SGCZ: variants seen among roughly 807,000 people sequenced by gnomAD.
The protein encoded by SGCZ is sarcoglycan zeta.
Under a neutral mutation model 41.3 loss-of-function variants are expected in SGCZ, and 40 were observed. The observed-to-expected ratio is 0.97, with a 90% CI of 0.75 to 1.26. The LOEUF is 1.26. SGCZ is among the 50% of genes most tolerant of loss of function. SGCZ has a pLI of 0.00. For synonymous variants in SGCZ, 206 were observed against 137.5 expected, an observed-to-expected ratio of 1.50 and a Z score of -3.49; for missense variants, 552 against 369.8, an observed-to-expected ratio of 1.49 and a Z score of -4.04.
chr8:14,906,214 C>A (rs1799117163), intron 1 of SGCZ, among the ~76,000 whole-genome samples: 1 of 152,122 alleles, frequency 6.6e-6, no homozygotes, highest in South Asian at 2.1e-4. Flanking sequence ...TTTGAAGACG[C>A]TCCCTAGAGT....
chr8:14,092,393 A>T (rs1318742026), intron 7 of SGCZ, among the ~76,000 whole-genome samples: 1 of 152,072 alleles, frequency 6.6e-6, no homozygotes, highest in Non-Finnish European at 1.5e-5. Context: ...CATTGAATCT[A>T]TAAATTACTT....
chr8:14,608,146 T>C (rs1805812243), intron 1 of SGCZ, among the ~76,000 whole-genome samples: 1 of 152,024 alleles, frequency 6.6e-6, no homozygotes, highest in African/African-American at 2.4e-5. Context: ...AAAAAGGCAC[T>C]AATGGACTGC....
intron 1 of SGCZ, among the ~76,000 whole-genome samples, chr8:14,758,427 C>T (rs1008960573): frequency 6.6e-6 from 1 of 152,068 alleles, no homozygotes. Context: ...TCGTTCTTCC[C>T]TCTCCTCCAA....
intron 5 of SGCZ, among the ~76,000 whole-genome samples, chr8:14,137,842 A>T (rs1449486147): frequency 6.6e-6 from 1 of 152,044 alleles, no homozygotes; most frequent in Non-Finnish European, 1.5e-5. Flanking sequence ...CCACAAAGAT[A>T]CTCCTCAAGA....
intron 6 of SGCZ, among the ~76,000 whole-genome samples, chr8:14,104,274 C>T (rs1802132974): frequency 6.6e-6 from 1 of 152,098 alleles, no homozygotes; most frequent in South Asian, 2.1e-4. Context: ...CAGTAAGTTT[C>T]AGACTGGCTT....
intron 5 of SGCZ, among the ~76,000 whole-genome samples, chr8:14,114,257 G>A (rs1414253919): frequency 6.6e-6 from 1 of 151,982 alleles, no homozygotes; most frequent in Non-Finnish European, 1.5e-5. Flanking sequence ...TAATTGATAG[G>A]TAAAACATGC....
intron 1 of SGCZ, among the ~76,000 whole-genome samples, chr8:14,727,459 C>T (rs1387541104): frequency 6.6e-6 from 1 of 151,702 alleles, no homozygotes; most frequent in Non-Finnish European, 1.5e-5. Flanking sequence ...ATCTTATGAC[C>T]CAACACTTTC....
intron 2 of SGCZ, among the ~76,000 whole-genome samples, chr8:14,540,419 T>C (rs1375550979): frequency 6.6e-6 from 1 of 151,684 alleles, no homozygotes; most frequent in East Asian, 1.9e-4. Context: ...TTTTTTGCTT[T>C]GTTTCTTATT....
At chr8:14,789,372 G>A (rs111226588) in intron 1 of SGCZ, among the ~76,000 whole-genome samples, 25 of 152,184 alleles carry the variant, frequency 1.6e-4, no homozygotes, top group African/African-American at 6.0e-4. Context: ...CTCTACACAG[G>A]CACATGTCTA....
At chr8:14,522,667 T>C (rs777216809) in intron 2 of SGCZ, among the ~76,000 whole-genome samples, 2 of 151,802 alleles carry the variant, frequency 1.3e-5, no homozygotes, top group Non-Finnish European at 2.9e-5. Context: ...TTTTAAAAAA[T>C]ACAACTGTCT....
intron 1 of SGCZ, among the ~76,000 whole-genome samples, chr8:15,155,400 C>G (rs954178902): frequency 6.6e-6 from 1 of 152,046 alleles, no homozygotes; most frequent in Non-Finnish European, 1.5e-5. Context: ...CATACTGTAC[C>G]CCATAAATAT....
rs1293486476 is a variant in SGCZ at position 14,365,623 on chromosome 8, T to C, written c.235-41419A>G. 3.3e-5 allele frequency among the ~76,000 whole-genome samples: 5 copies of C among 152,156 alleles called. No homozygotes were observed. In the East Asian group the frequency reaches 7.7e-4, roughly 23 times the overall value. On this transcript the variant is annotated intron_variant, in intron 2 of 7. Coordinates refer to ENST00000382080, the MANE Select transcript of SGCZ (RefSeq NM_139167.4). ...TGAAAAGTTTAAGGTTAATGTTAAG[T>C]CTTCTTAAACATTTGGAATAATTCA...
intron 3 of SGCZ, among the ~76,000 whole-genome samples, chr8:14,286,175 A>G (rs918728678): frequency 6.6e-6 from 1 of 151,978 alleles, no homozygotes; most frequent in Admixed American, 6.6e-5. Context: ...GCTTCCTTGC[A>G]TGGTATTCTA....
intron 1 of SGCZ, among the ~76,000 whole-genome samples, chr8:14,851,004 G>C (rs1222205966): frequency 6.6e-6 from 1 of 152,134 alleles, no homozygotes; most frequent in African/African-American, 2.4e-5. Flanking sequence ...TATGAAAACA[G>C]ACTAATACAG....
chr8:14,113,155 G>C (rs1461133569), intron 5 of SGCZ, among the ~76,000 whole-genome samples: 1 of 152,046 alleles, frequency 6.6e-6, no homozygotes, highest in African/African-American at 2.4e-5. Context: ...TATCTCACCT[G>C]TGCAAAAAGC....
At chr8:14,787,659 C>A (rs915289148) in intron 1 of SGCZ, among the ~76,000 whole-genome samples, 3 of 151,850 alleles carry the variant, frequency 2.0e-5, no homozygotes, top group Non-Finnish European at 4.4e-5. Flanking sequence ...CCAGCCTGAC[C>A]AACATGGAGA....
chr8:14,956,155 T>G (rs1188125374), intron 1 of SGCZ, among the ~76,000 whole-genome samples: 1 of 151,508 alleles, frequency 6.6e-6, no homozygotes, highest in Non-Finnish European at 1.5e-5. Context: ...ATCTCCTGCT[T>G]CAGACTCCCG....
chr8:15,182,664 G>A lies in SGCZ; in HGVS notation c.39+54921C>T, dbSNP rs997939069. ...CCCTGGGTGAGTCTCAGTGAGTGGT[G>A]AGTGAATGTTGAATCCTAGGACATT... On this transcript the variant is annotated intron_variant, in intron 1 of 7. Transcript: ENST00000382080. 3.3e-5 allele frequency among the ~76,000 whole-genome samples: 5 copies of A among 152,118 alleles called. No individual in the cohort carries two copies. The East Asian group carries it at 7.7e-4, about 23-fold the overall frequency.
intron 1 of SGCZ, among the ~76,000 whole-genome samples, chr8:14,886,019 ATATATATATATATAT>A (rs1563339167): frequency 8.4e-6 from 1 of 119,424 alleles, no homozygotes; most frequent in Non-Finnish European, 1.8e-5. Flanking sequence ...ATATATATAT[ATATATATATATATAT>A]AAAATTGTAT....
Sources: gnomAD v4.1 joint callset for allele counts (sites outside exome capture counted in the v4.1 genomes callset) on GRCh38, gnomAD v4.1.1 for gene constraint, MANE v1.5 for transcripts, NCBI Gene and HGNC (gene_info 2026-07-23, HGNC 2026-07-21) for gene names.